ADK: variants seen among roughly 807,000 people sequenced by gnomAD.
ADK encodes N6,N6-dimethyladenosine kinase.
In ADK, 24 loss-of-function variants were observed where a neutral mutation model predicts 44.7. That is an observed-to-expected ratio of 0.54 (90% CI 0.39 to 0.76). The LOEUF (loss-of-function observed/expected upper bound fraction) is 0.76, where lower values mean the gene tolerates loss of function less well. ADK is among the 30% of genes least tolerant of loss of function. The probability of loss-of-function intolerance (pLI) is 0.00; values close to 1 mark genes in which losing one functional copy is unlikely to be tolerated. For synonymous variants in ADK, 128 were observed against 142.6 expected, an observed-to-expected ratio of 0.90 and a Z score of 0.73; for missense variants, 321 against 425.1, an observed-to-expected ratio of 0.76 and a Z score of 2.15.
intron 8 of ADK, among the ~76,000 whole-genome samples, chr10:74,599,776 CT>C (rs1852052694): frequency 6.6e-6 from 1 of 152,086 alleles, no homozygotes; most frequent in Non-Finnish European, 1.5e-5. Context: ...TAAACTTTAT[CT>C]TTTTTAAAGA....
At chr10:74,563,733 C>T (rs1465474568) in intron 7 of ADK, among the ~76,000 whole-genome samples, 2 of 152,090 alleles carry the variant, frequency 1.3e-5, no homozygotes, top group African/African-American at 2.4e-5. Context: ...AACATGAATA[C>T]CATGATTGCT....
intron 3 of ADK, among the ~76,000 whole-genome samples, chr10:74,240,372 TTG>T (rs142465407): frequency 1.5e-3 from 218 of 147,198 alleles, no homozygotes; most frequent in East Asian, 4.6e-3. Flanking sequence ...TCCTTTTATT[TTG>T]TGTGTGTGTG....
At chr10:74,293,664 A>G (rs958443825) in intron 3 of ADK, among the ~76,000 whole-genome samples, 1 of 152,174 alleles carries the variant, frequency 6.6e-6, no homozygotes, top group Non-Finnish European at 1.5e-5. Context: ...TCTGTGATTT[A>G]TATCTTTTGA....
intron 1 of ADK, among the ~76,000 whole-genome samples, chr10:74,177,690 T>C (rs1449135542): frequency 6.6e-6 from 1 of 152,112 alleles, no homozygotes; most frequent in African/African-American, 2.4e-5. Context: ...AAAGCAGAAC[T>C]TGGGCTTTGT....
intron 3 of ADK, among the ~76,000 whole-genome samples, chr10:74,313,877 A>T (rs1249288858): frequency 6.6e-6 from 1 of 151,860 alleles, no homozygotes; most frequent in Non-Finnish European, 1.5e-5. Context: ...CTTTTTAAAA[A>T]TTTCAACTTT....
chr10:74,348,958 A>T (rs1455374197), intron 4 of ADK, among the ~76,000 whole-genome samples: 2 of 152,122 alleles, frequency 1.3e-5, no homozygotes, highest in South Asian at 4.1e-4. Flanking sequence ...TGAAAGTGAC[A>T]GGGAGAATGG....
chr10:74,211,063 T>G (rs1334992426), intron 2 of ADK, among the ~76,000 whole-genome samples: 1 of 152,190 alleles, frequency 6.6e-6, no homozygotes, highest in Non-Finnish European at 1.5e-5. Flanking sequence ...TTTTGTATTT[T>G]TAATACAGAC....
intron 6 of ADK, among the ~76,000 whole-genome samples, chr10:74,502,121 A>G (rs1847904848): frequency 1.3e-5 from 2 of 152,156 alleles, no homozygotes; most frequent in African/African-American, 4.8e-5. Context: ...TAAATACTAT[A>G]TATCACTAAG....
At chr10:74,422,773 C>T (rs139845773) in intron 6 of ADK, among the ~76,000 whole-genome samples, 1 of 152,282 alleles carries the variant, frequency 6.6e-6, no homozygotes, top group African/African-American at 2.4e-5. Context: ...CTACCTGCTC[C>T]CCAGTACTCA....
intron 9 of ADK, among the ~76,000 whole-genome samples, chr10:74,618,150 A>T (rs903747361): frequency 6.6e-6 from 1 of 151,422 alleles, no homozygotes; most frequent in African/African-American, 2.5e-5. Flanking sequence ...TTCATATTTT[A>T]ATCAGCCTGT....
At chr10:74,342,681 C>G (rs1841619788) in intron 4 of ADK, among the ~76,000 whole-genome samples, 1 of 152,054 alleles carries the variant, frequency 6.6e-6, no homozygotes, top group African/African-American at 2.4e-5. Flanking sequence ...TGCCATGTTG[C>G]CCAGGCTGGT....
At chr10:74,279,812 G>T (rs1846848096) in intron 3 of ADK, among the ~76,000 whole-genome samples, 1 of 152,020 alleles carries the variant, frequency 6.6e-6, no homozygotes, top group East Asian at 1.9e-4. Flanking sequence ...GCAGAGGATT[G>T]CTTGAAACCA....
At chr10:74,280,372 G>C (rs1205822113) in intron 3 of ADK, among the ~76,000 whole-genome samples, 3 of 149,076 alleles carry the variant, frequency 2.0e-5, no homozygotes, top group Non-Finnish European at 4.5e-5. Flanking sequence ...AAAGTGCTGG[G>C]ATTACAGGTG....
At chr10:74,199,037 C>T (rs1221952701) in intron 1 of ADK, among the ~76,000 whole-genome samples, 1 of 152,048 alleles carries the variant, frequency 6.6e-6, no homozygotes, top group Admixed American at 6.5e-5. Context: ...AGTTACAAAT[C>T]GTTCTATAAA....
chr10:74,173,088 GTTTTTTTTTTTTC>G (rs915840422), intron 1 of ADK, among the ~76,000 whole-genome samples: 1 of 144,910 alleles, frequency 6.9e-6, no homozygotes, highest in Non-Finnish European at 1.5e-5. Flanking sequence ...ATCAAAATTA[GTTTTTTTTTTTTC>G]TTTTTTTTTG....
intron 3 of ADK, among the ~76,000 whole-genome samples, chr10:74,233,192 A>T (rs2132273645): frequency 6.6e-6 from 1 of 152,322 alleles, no homozygotes; most frequent in African/African-American, 2.4e-5. Flanking sequence ...ACAGGAATTA[A>T]ATCTTATTCA....
intron 6 of ADK, among the ~76,000 whole-genome samples, chr10:74,410,313 A>C (rs920419557): frequency 6.6e-6 from 1 of 152,112 alleles, no homozygotes; most frequent in African/African-American, 2.4e-5. Flanking sequence ...GTTTCAGTGA[A>C]AGTGAATTAA....
At chr10:74,470,024 C>CTTT (rs372745779) in intron 6 of ADK, among the ~76,000 whole-genome samples, 9 of 133,298 alleles carry the variant, frequency 6.8e-5, no homozygotes, top group South Asian at 4.8e-4. Context: ...TATATACCAC[C>CTTT]TTTTTTTTTT....
chr10:74,281,950 G>C (rs1056618219), intron 3 of ADK, among the ~76,000 whole-genome samples: 1 of 152,034 alleles, frequency 6.6e-6, no homozygotes, highest in African/African-American at 2.4e-5. Context: ...AATACATCTG[G>C]CTCCTAGGAC....
Sources: gnomAD v4.1 joint callset for allele counts (sites outside exome capture counted in the v4.1 genomes callset) on GRCh38, gnomAD v4.1.1 for gene constraint, MANE v1.5 for transcripts, NCBI Gene and HGNC (gene_info 2026-07-23, HGNC 2026-07-21) for gene names.